CENPP: variants seen among roughly 807,000 people sequenced by gnomAD.
CENPP encodes the protein centromere protein P.
In CENPP, 24 loss-of-function variants were observed where a neutral mutation model predicts 35.6. The ratio of observed to expected loss-of-function variants is 0.67; its 90% CI spans 0.49 to 0.95. The LOEUF (loss-of-function observed/expected upper bound fraction) is 0.95, where lower values mean the gene tolerates loss of function less well. CENPP is among the 40% of genes least tolerant of loss of function. The pLI, the probability that CENPP is intolerant of heterozygous loss-of-function variation, is 0.00. For missense variants in CENPP, 332 were observed against 345.3 expected, an observed-to-expected ratio of 0.96 and a Z score of 0.31; for synonymous variants, 120 against 125.5, an observed-to-expected ratio of 0.96 and a Z score of 0.29.
At chr9:92,351,720 T>C (rs1034585298) in intron 4 of CENPP, among the ~76,000 whole-genome samples, 7 of 151,808 alleles carry the variant, frequency 4.6e-5, no homozygotes, top group Non-Finnish European at 8.8e-5. Flanking sequence ...AACCTCTACC[T>C]CACCAGGGAT....
intron 2 of CENPP, among the ~76,000 whole-genome samples, chr9:92,332,963 T>A (rs1382886900): frequency 1.3e-5 from 2 of 151,874 alleles, no homozygotes; most frequent in African/African-American, 4.8e-5. Flanking sequence ...TAAATAGTAA[T>A]AAGCGAATAA....
rs554867058 is a variant in CENPP at position 92,378,101 on chromosome 9, G to A, written c.468-1662G>A. Reference sequence around the variant, plus strand: ...CTTATGTTTGCTTGGTGTCAGTTGGGGCTAGCTGACAAAGCTTCCTCTCTC... The same window carrying A: ...CTTATGTTTGCTTGGTGTCAGTTGGAGCTAGCTGACAAAGCTTCCTCTCTC... On this transcript the variant is annotated intron_variant, in intron 4 of 7. Transcript: ENST00000375587. Among the ~76,000 whole-genome samples the A allele has an allele frequency of 5.6e-4, 85 of 152,210 alleles. 2 individuals carry two copies. The South Asian group carries it at 0.017, about 31-fold the overall frequency.
At chr9:92,427,993 C>G (rs868810218) in intron 5 of CENPP, among the ~76,000 whole-genome samples, 2 of 152,164 alleles carry the variant, frequency 1.3e-5, no homozygotes, top group African/African-American at 4.8e-5. Context: ...CTGGAAGTAA[C>G]CACCTCTCAG....
chr9:92,330,603 T>A (rs1408183654), intron 1 of CENPP, among the ~76,000 whole-genome samples: 17 of 149,342 alleles, frequency 1.1e-4, no homozygotes, highest in Non-Finnish European at 1.9e-4. Context: ...AAATAATGGA[T>A]GACAAAAAAA....
At chr9:92,432,636 C>T (rs993891161) in intron 5 of CENPP, among the ~76,000 whole-genome samples, 4 of 152,118 alleles carry the variant, frequency 2.6e-5, no homozygotes, top group Non-Finnish European at 4.4e-5. Flanking sequence ...CTCATAGGCA[C>T]GGGGAGCAGC....
chr9:92,551,993 G>T (rs1849610985), intron 5 of CENPP, among the ~76,000 whole-genome samples: 1 of 127,484 alleles, frequency 7.8e-6, no homozygotes, highest in Non-Finnish European at 1.7e-5. Flanking sequence ...GTATATATGT[G>T]ATATATATGT....
At chr9:92,612,499 C>A in intron 6 of CENPP, 24 bp from the exon 7 acceptor site, 1 of 1,563,074 alleles carries the variant, frequency 6.4e-7, no homozygotes, top group Non-Finnish European at 8.8e-7. Flanking sequence ...AAGCACATAA[C>A]GACATGTTTT....
intron 5 of CENPP, among the ~76,000 whole-genome samples, chr9:92,419,299 CTTTTTTT>C (rs34582930): frequency 8.5e-6 from 1 of 117,112 alleles, no homozygotes; most frequent in Non-Finnish European, 1.7e-5. Flanking sequence ...TGCCTTGTGT[CTTTTTTT>C]TTTTTTTTTT....
At chr9:92,457,499 A>C (rs1406694724) in intron 5 of CENPP, 1 of 1,568,920 alleles carries the variant, frequency 6.4e-7, no homozygotes, top group Middle Eastern at 1.9e-4. Context: ...TTGTAGTAGG[A>C]AAAAAGAAAG....
At chr9:92,452,170 T>C (rs1320349364) in intron 5 of CENPP, among the ~76,000 whole-genome samples, 1 of 151,708 alleles carries the variant, frequency 6.6e-6, no homozygotes, top group African/African-American at 2.4e-5. Flanking sequence ...CATCCCTGTC[T>C]TGTGCCACTT....
At chr9:92,470,668 C>A in intron 5 of CENPP, 1 of 1,427,088 alleles carries the variant, frequency 7.0e-7, no homozygotes, top group South Asian at 1.2e-5. Context: ...TATATTCTTA[C>A]ATAAAGTGAA....
intron 5 of CENPP, among the ~76,000 whole-genome samples, chr9:92,591,895 C>T (rs937530134): frequency 3.9e-5 from 6 of 152,196 alleles, no homozygotes; most frequent in Non-Finnish European, 5.9e-5. Context: ...GTCTTTTCCA[C>T]CAAATTTTAT....
At chr9:92,555,521 G>A (rs933808381) in intron 5 of CENPP, among the ~76,000 whole-genome samples, 5 of 151,946 alleles carry the variant, frequency 3.3e-5, no homozygotes, top group Admixed American at 6.6e-5. Flanking sequence ...GAACCACTGC[G>A]CCTGGCCAGT....
At chr9:92,421,645 A>G (rs1405395057) in intron 5 of CENPP, among the ~76,000 whole-genome samples, 3 of 152,218 alleles carry the variant, frequency 2.0e-5, no homozygotes, top group Non-Finnish European at 4.4e-5. Flanking sequence ...TACAAATATT[A>G]GTAGTTAGTT....
intron 5 of CENPP, among the ~76,000 whole-genome samples, chr9:92,532,029 A>ATT (rs201461115): frequency 1.1e-5 from 1 of 91,050 alleles, no homozygotes; most frequent in Admixed American, 1.1e-4. Context: ...TTTTTTTTTT[A>ATT]TTTTATTTTT....
intron 5 of CENPP, chr9:92,474,503 T>C: frequency 1.4e-6 from 2 of 1,402,278 alleles, no homozygotes; most frequent in Non-Finnish European, 1.9e-6. Context: ...ACCTAAAAAC[T>C]TAAATGAAAA....
At chr9:92,415,258 T>C (rs1452923868) in intron 5 of CENPP, 6 of 1,613,886 alleles carry the variant, frequency 3.7e-6, no homozygotes, top group Non-Finnish European at 4.2e-6. Context: ...ACTTTCATCA[T>C]CATCATCTGG....
intron 5 of CENPP, among the ~76,000 whole-genome samples, chr9:92,439,169 T>A (rs1425996146): frequency 6.6e-6 from 1 of 152,172 alleles, no homozygotes; most frequent in African/African-American, 2.4e-5. Context: ...CGTGTGTTAT[T>A]ATTTTTGCTT....
At chr9:92,501,171 G>A (rs1250792202) in intron 5 of CENPP, 6 of 1,008,764 alleles carry the variant, frequency 5.9e-6, no homozygotes, top group Non-Finnish European at 8.6e-6. Context: ...CCAGTTTGTA[G>A]TGATGATTCC....
Sources: allele counts gnomAD v4.1 joint callset (sites outside exome capture counted in the v4.1 genomes callset), GRCh38; gene constraint gnomAD v4.1.1; transcripts MANE v1.5; gene names NCBI Gene and HGNC (gene_info 2026-07-23, HGNC 2026-07-21).